PCDHA2: variants seen among roughly 807,000 people sequenced by gnomAD.
The protein encoded by PCDHA2 is protocadherin alpha 2, also known as protocadherin alpha-2.
In PCDHA2, 58 loss-of-function variants were observed where a neutral mutation model predicts 66.0. The ratio of observed to expected loss-of-function variants is 0.88; its 90% confidence interval spans 0.71 to 1.09. The LOEUF is 1.09. PCDHA2 is among the 50% of genes least tolerant of loss of function. The pLI, the probability that PCDHA2 is intolerant of heterozygous loss-of-function variation, is 0.00. For missense variants in PCDHA2, 1,267 were observed against 1,242.3 expected (o/e 1.02, Z -0.30); for synonymous variants, 634 against 554.0 (o/e 1.14, Z -2.03).
At chr5:140,876,808 G>T in intron 1 of PCDHA2, 1 of 1,614,222 alleles carries the variant, frequency 6.2e-7, no homozygotes, top group Non-Finnish European at 8.5e-7. Flanking sequence ...CGTGGAGGTG[G>T]CCGACGTGAA....
intron 1 of PCDHA2, chr5:140,877,356 T>G (rs1227079705): frequency 9.9e-6 from 16 of 1,613,866 alleles, no homozygotes; most frequent in Non-Finnish European, 1.4e-5. Flanking sequence ...GGCTGTACAC[T>G]GGCGAGATCA....
intron 1 of PCDHA2, among the ~76,000 whole-genome samples, chr5:140,897,693 G>A (rs1327367730): frequency 6.6e-6 from 1 of 152,008 alleles, no homozygotes; most frequent in African/African-American, 2.4e-5. Context: ...TAGTCCTTTG[G>A]GCATATACCC....
chr5:140,914,755 T>G (rs1175753765), intron 1 of PCDHA2, among the ~76,000 whole-genome samples: 1 of 152,270 alleles, frequency 6.6e-6, no homozygotes, highest in East Asian at 1.9e-4. Flanking sequence ...CCATTTGAGG[T>G]TACATGAGGT....
intron 3 of PCDHA2, among the ~76,000 whole-genome samples, chr5:141,005,708 A>G (rs1245739768): frequency 6.8e-6 from 1 of 146,360 alleles, no homozygotes; most frequent in Non-Finnish European, 1.5e-5. Context: ...TCTCAAAAAA[A>G]AAAAAAAAAA....
chr5:140,819,009 T>A (rs1223864365), intron 1 of PCDHA2, among the ~76,000 whole-genome samples: 5 of 152,254 alleles, frequency 3.3e-5, no homozygotes. Flanking sequence ...AGAGGATATA[T>A]AATATGGATA....
At chr5:140,877,816 GATT>G (rs2057354449) in intron 1 of PCDHA2, 1 of 1,609,196 alleles carries the variant, frequency 6.2e-7, no homozygotes, top group East Asian at 2.2e-5. Flanking sequence ...GTCTCGAGAA[GATT>G]GTTTAAATCC....
intron 1 of PCDHA2, among the ~76,000 whole-genome samples, chr5:140,896,747 G>C (rs1162214018): frequency 1.3e-5 from 2 of 152,070 alleles, no homozygotes; most frequent in Admixed American, 1.3e-4. Context: ...ATAGATTCTG[G>C]ATATTAGACC....
chr5:140,883,494 T>C, intron 1 of PCDHA2: 1 of 1,614,208 alleles, frequency 6.2e-7, no homozygotes, highest in Non-Finnish European at 8.5e-7. Flanking sequence ...TCATTAGTGC[T>C]GGACAGCGCC....
intron 1 of PCDHA2, chr5:140,813,022 C>A (rs1765213710): frequency 6.6e-6 from 1 of 152,056 alleles, no homozygotes; most frequent in African/African-American, 2.4e-5. Flanking sequence ...GGATTTCAAC[C>A]TTCTTGAATT....
intron 1 of PCDHA2, chr5:140,867,518 A>T (rs2050002627): frequency 6.6e-6 from 1 of 152,128 alleles, no homozygotes; most frequent in Non-Finnish European, 1.5e-5. Context: ...TCAAATTAAT[A>T]GTTGAATATA....
intron 1 of PCDHA2, chr5:140,822,271 C>T: frequency 6.2e-7 from 1 of 1,614,210 alleles, no homozygotes; most frequent in Non-Finnish European, 8.5e-7. Context: ...AGCAAATGCA[C>T]AATTGAGATA....
chr5:140,885,391 T>G, intron 1 of PCDHA2, among the ~76,000 whole-genome samples: 1 of 152,112 alleles, frequency 6.6e-6, no homozygotes, highest in East Asian at 1.9e-4. Context: ...TCCCTGCAAA[T>G]CTAATGGTTT....
intron 1 of PCDHA2, chr5:140,824,833 T>C (rs1016078970): frequency 2.0e-5 from 3 of 152,074 alleles, no homozygotes; most frequent in Admixed American, 6.5e-5. Context: ...ATTATTATTT[T>C]ATTACACTAA....
intron 1 of PCDHA2, chr5:140,870,947 G>T: frequency 1.2e-6 from 2 of 1,613,700 alleles, no homozygotes; most frequent in Non-Finnish European, 1.7e-6. Context: ...CCGGCGGCGG[G>T]CGGCTCGCGC....
intron 1 of PCDHA2, chr5:140,808,722 C>A (rs577899528): frequency 3.7e-6 from 6 of 1,612,134 alleles, no homozygotes; most frequent in Admixed American, 1.7e-5. Flanking sequence ...TCGGTGCATG[C>A]GGAGAGCGGC....
intron 1 of PCDHA2, chr5:140,814,336 G>A (rs1200582823): frequency 6.6e-6 from 1 of 151,804 alleles, no homozygotes; most frequent in African/African-American, 2.4e-5. Context: ...CCCACTGGAA[G>A]GTCTTCTGGG....
intron 1 of PCDHA2, among the ~76,000 whole-genome samples, chr5:140,975,698 T>C (rs1298498012): frequency 6.6e-6 from 1 of 152,202 alleles, no homozygotes; most frequent in Non-Finnish European, 1.5e-5. Flanking sequence ...TTTAAACTTA[T>C]TTTACTTTAA....
chr5:140,935,736 A>G (rs2090532745), intron 1 of PCDHA2, among the ~76,000 whole-genome samples: 1 of 152,190 alleles, frequency 6.6e-6, no homozygotes, highest in Admixed American at 6.5e-5. Flanking sequence ...TCTAGTATCT[A>G]TTATTCCATA....
chr5:140,887,323 C>T (rs1209011082), intron 1 of PCDHA2, among the ~76,000 whole-genome samples: 5 of 152,084 alleles, frequency 3.3e-5, no homozygotes, highest in African/African-American at 1.2e-4. Context: ...GTCTCGAACT[C>T]CTGACCTCGT....
Sources: allele counts gnomAD v4.1 joint callset (sites outside exome capture counted in the v4.1 genomes callset), GRCh38; gene constraint gnomAD v4.1.1; transcripts MANE v1.5; gene names NCBI Gene and HGNC (gene_info 2026-07-23, HGNC 2026-07-21).